The following ZXDC variants were observed in gnomAD, a reference collection of about 807,000 sequenced individuals.
The protein encoded by ZXDC is zinc finger protein ZXDC.
Under a neutral mutation model 63.6 loss-of-function variants are expected in ZXDC, and 58 were observed. That is an observed-to-expected ratio of 0.91 (90% CI 0.74 to 1.13). ZXDC has a LOEUF of 1.13. Ranked by LOEUF, ZXDC falls within the 50% of genes most tolerant of loss-of-function variation. ZXDC has a pLI of 0.00. For missense variants in ZXDC, 1,133 were observed against 1,148.9 expected (o/e 0.99, Z 0.20); for synonymous variants, 561 against 496.1 (o/e 1.13, Z -1.74).
chr3:126,459,131 C>A, intron 7 of ZXDC: 1 of 985,438 alleles, frequency 1.0e-6, no homozygotes, highest in African/African-American at 1.7e-5. Context: ...AGGACAGATG[C>A]TTGAGGCCAT....
At chr3:126,459,804 A>G in intron 6 of ZXDC, 67 bp from the exon 7 acceptor site, 2 of 1,613,190 alleles carry the variant, frequency 1.2e-6, no homozygotes, top group Non-Finnish European at 1.7e-6. Context: ...AGGGAGCTAC[A>G]GAAGTGCCAT....
At chr3:126,457,430 T>A in intron 7 of ZXDC, 4 of 985,392 alleles carry the variant, frequency 4.1e-6, no homozygotes, top group Non-Finnish European at 4.8e-6. Flanking sequence ...CTGCACTGGC[T>A]GAGGCACCTG....
intron 5 of ZXDC, among the ~76,000 whole-genome samples, chr3:126,464,262 G>A (rs1246294173): frequency 1.3e-5 from 2 of 152,168 alleles, no homozygotes. Flanking sequence ...AGAGCATCTG[G>A]CAAAACAGTC....
intron 4 of ZXDC, 119 bp from the exon 5 acceptor site, chr3:126,466,444 A>G: frequency 2.9e-6 from 3 of 1,051,100 alleles, no homozygotes; most frequent in Non-Finnish European, 4.2e-6. Flanking sequence ...GGCTACTGGC[A>G]AGGACAGAGA....
chr3:126,469,695 G>A (rs1262369408), intron 4 of ZXDC, among the ~76,000 whole-genome samples: 6 of 152,036 alleles, frequency 3.9e-5, no homozygotes, highest in Admixed American at 6.5e-5. Flanking sequence ...ACACCCACAC[G>A]CACGTGTCTG....
At chr3:126,459,073 T>C in intron 7 of ZXDC, 1 of 985,416 alleles carries the variant, frequency 1.0e-6, no homozygotes, top group African/African-American at 1.7e-5. Context: ...TAGAAAAAGA[T>C]TTAGCAGTTT....
chr3:126,460,602 C>G (rs1934487472), intron 6 of ZXDC: 1 of 985,296 alleles, frequency 1.0e-6, no homozygotes, highest in African/African-American at 1.7e-5. Context: ...CTGTGGCCAC[C>G]TCCCATCCCT....
Position 126,442,282 on chromosome 3 carries a change from G to A in ZXDC, c.2213-336C>T, listed in dbSNP as rs527826688. The A allele has an allele frequency of 2.2e-5, 4 of 180,020 alleles. No individual in the cohort carries two copies. In the South Asian group the frequency reaches 4.5e-4, roughly 20 times the overall value. 11.2% of individuals were successfully genotyped at this position (180,020 alleles called of 1,614,324 possible). The stretch of plus-strand genomic sequence containing the variant: ...CTGCTGGCTGGCAGGAATCCCAAGC[G>A]CAACTGAGGACAGCCAACAGCCCAG... On this transcript the variant is annotated intron_variant, in intron 7 of 9. Coordinates refer to ENST00000389709, the MANE Select transcript of ZXDC (RefSeq NM_025112.5).
chr3:126,454,082 G>A, intron 7 of ZXDC: 1 of 876,714 alleles, frequency 1.1e-6, no homozygotes, highest in Middle Eastern at 5.9e-4. Flanking sequence ...TTTTGGTAAA[G>A]ACTTTTGTAT....
At position 126,475,601 on chromosome 3, in the gene ZXDC, C is replaced by T. The variant is rs1207784223; in HGVS notation, c.265G>A (p.Glu89Lys). Residue 89 changes from glutamate (E) to lysine (K), a missense_variant, in exon 1 of 10, where the codon GAG becomes AAG. Physicochemically the swap from Glu to Lys is moderately conservative, Grantham distance 56. Transcript: ENST00000389709. ...LEVPHGGAAAEAAGSQEAEPG... is the reference protein window; with the variant it reads ...LEVPHGGAAAKAAGSQEAEPG... ...TCGGCCTCCTGTGATCCGGCAGCCT[C>T]GGCGGCAGCGCCGCCGTGCGGCACT... 3.4e-6 allele frequency: 5 copies of T among 1,468,646 alleles called. No individual in the cohort carries two copies. The highest frequency in any genetic ancestry group is 4.5e-6 in the Non-Finnish European group (5 of 1,108,138). 91.0% of individuals were successfully genotyped at this position (1,468,646 alleles called of 1,614,324 possible). A position where few individuals can be genotyped will look rare whatever the true frequency, so the allele number is the denominator to read the frequency against.
At chr3:126,440,265 C>T (rs1251502736) in intron 8 of ZXDC, 2 of 989,782 alleles carry the variant, frequency 2.0e-6, no homozygotes, top group Non-Finnish European at 2.4e-6. Flanking sequence ...TGTCCTGCAC[C>T]TGCATGTCCG....
intron 7 of ZXDC, among the ~76,000 whole-genome samples, chr3:126,449,313 G>A (rs761781585): frequency 1.3e-4 from 20 of 152,026 alleles, no homozygotes; most frequent in Non-Finnish European, 2.5e-4. Context: ...CTCCCGCCTC[G>A]GCCTCTCGAG....
At chr3:126,444,173 T>C (rs1933784627) in intron 7 of ZXDC, among the ~76,000 whole-genome samples, 1 of 152,236 alleles carries the variant, frequency 6.6e-6, no homozygotes. Flanking sequence ...GCATTACGCT[T>C]GCTTTCTAAT....
intron 1 of ZXDC, 123 bp from the exon 2 acceptor site, chr3:126,472,428 A>T: frequency 8.2e-7 from 1 of 1,225,570 alleles, no homozygotes; most frequent in Non-Finnish European, 1.1e-6. Flanking sequence ...ATGACTCAGA[A>T]GCACTCTCTA....
At chr3:126,438,637 T>C (rs1933555049) in intron 9 of ZXDC, among the ~76,000 whole-genome samples, 176 bp from the exon 10 acceptor site, 1 of 152,112 alleles carries the variant, frequency 6.6e-6, no homozygotes, top group East Asian at 1.9e-4. Flanking sequence ...ATGAACTCAA[T>C]ACTGTACTGT....
chr3:126,452,883 T>C (rs950356279), intron 7 of ZXDC: 20 of 343,374 alleles, frequency 5.8e-5, no homozygotes, highest in African/African-American at 4.4e-4. Context: ...GGACCACAGG[T>C]GTGCACCACC....
chr3:126,458,704 T>A (rs1934405673), intron 7 of ZXDC: 2 of 985,480 alleles, frequency 2.0e-6, no homozygotes, highest in Non-Finnish European at 2.4e-6. Flanking sequence ...CCAGGTTCAA[T>A]AAAGGCATCC....
intron 7 of ZXDC, chr3:126,458,940 A>G (rs1232088988): frequency 1.0e-6 from 1 of 982,220 alleles, no homozygotes; most frequent in African/African-American, 1.7e-5. Context: ...TTTAAATAAG[A>G]AGTCATAATA....
intron 7 of ZXDC, chr3:126,459,423 T>A (rs1289184078): frequency 9.1e-6 from 9 of 985,354 alleles, no homozygotes; most frequent in Non-Finnish European, 9.6e-6. Flanking sequence ...AACGCTTAAC[T>A]TTCACAAAGC....
Sources: gnomAD v4.1 joint callset for allele counts (sites outside exome capture counted in the v4.1 genomes callset) on GRCh38, gnomAD v4.1.1 for gene constraint, MANE v1.5 for transcripts, NCBI Gene and HGNC (gene_info 2026-07-23, HGNC 2026-07-21) for gene names.